Variants in CIROZ observed in about 807,000 individuals in gnomAD.
CIROZ encodes the protein ciliated left-right organizer ZP-N domains-containing protein.
At chr1:10,976,028 G>T in the CIROZ span, 1 of 696,900 alleles carries the variant, frequency 1.4e-6, no homozygotes, top group Non-Finnish European at 2.4e-6. Flanking sequence ...TCCACGCTTT[G>T]GTGAAGGCTT....
At chr1:10,949,662 G>C in the CIROZ span, 6 of 1,607,308 alleles carry the variant, frequency 3.7e-6, no homozygotes, top group Non-Finnish European at 4.2e-6. Flanking sequence ...AGGAGGTCCC[G>C]AGAAAGCCAT....
the CIROZ span, chr1:10,958,673 T>C: frequency 6.2e-7 from 1 of 1,611,760 alleles, no homozygotes; most frequent in African/African-American, 1.3e-5. Flanking sequence ...AGCAGAAACT[T>C]CCAGAGAGTT....
At chr1:10,957,481 A>T in the CIROZ span, 1 of 1,356,130 alleles carries the variant, frequency 7.4e-7, no homozygotes, top group Non-Finnish European at 9.8e-7. Context: ...CAATTTTCGA[A>T]GGCGCCTGCC....
chr1:10,960,499 T>C, the CIROZ span, among the ~76,000 whole-genome samples: 1 of 152,204 alleles, frequency 6.6e-6, no homozygotes, highest in Non-Finnish European at 1.5e-5. This position sits in a 1 kb window ranked among gnomAD's most constrained non-coding sequence, Gnocchi z 4.6. Context: ...AGGCTATATT[T>C]AGGGCCCGTG....
At chr1:10,956,943 G>T in the CIROZ span, 1 of 1,252,478 alleles carries the variant, frequency 8.0e-7, no homozygotes, top group South Asian at 1.4e-5. Flanking sequence ...AGGGGAATAA[G>T]GTGCCCAGAG....
the CIROZ span, among the ~76,000 whole-genome samples, chr1:10,959,553 C>G: frequency 2.4e-4 from 36 of 152,328 alleles, 1 homozygote; most frequent in African/African-American, 7.9e-4. The surrounding 1 kb of genome is among the most constrained non-coding windows in gnomAD (Gnocchi z 4.3). Flanking sequence ...TGGCACCGGA[C>G]AGAGTCACAG....
the CIROZ span, chr1:10,949,817 TCCAGAGAGAAGACAGAGGTCAGCC>T: frequency 1.3e-6 from 2 of 1,544,364 alleles, no homozygotes; most frequent in Non-Finnish European, 1.8e-6. Context: ...TCCTGAACCT[TCCAGAGAGAAGACAGAGGTCAGCC>T]TTCCTCCTAA....
the CIROZ span, among the ~76,000 whole-genome samples, chr1:10,973,397 T>A: frequency 2.0e-5 from 3 of 151,896 alleles, no homozygotes; most frequent in Non-Finnish European, 4.4e-5. Flanking sequence ...AAAATAAAAA[T>A]TTTAAAAAGA....
the CIROZ span, among the ~76,000 whole-genome samples, chr1:10,956,723 C>T: frequency 6.6e-6 from 1 of 151,992 alleles, no homozygotes; most frequent in Non-Finnish European, 1.5e-5. Context: ...GTAATCCACC[C>T]GCCGCGGCCT....
chr1:10,970,220 A>G, the CIROZ span: 2 of 870,618 alleles, frequency 2.3e-6, no homozygotes, highest in South Asian at 1.8e-5. Flanking sequence ...TGGAATAGTC[A>G]GGAAAGGGCA....
At chr1:10,971,239 C>A in the CIROZ span, among the ~76,000 whole-genome samples, 1 of 150,330 alleles carries the variant, frequency 6.7e-6, no homozygotes, top group Non-Finnish European at 1.5e-5. Context: ...GAGAGCACAG[C>A]CTGTGCCCAG....
At chr1:10,954,177 T>C in the CIROZ span, 1 of 1,596,026 alleles carries the variant, frequency 6.3e-7, no homozygotes, top group African/African-American at 1.3e-5. Flanking sequence ...GCACATTGGC[T>C]GGGCGCAGTG....
At chr1:10,961,230 GT>G in the CIROZ span, among the ~76,000 whole-genome samples, 2 of 152,202 alleles carry the variant, frequency 1.3e-5, no homozygotes, top group Non-Finnish European at 2.9e-5. Context: ...AAAGGGAGCA[GT>G]AACCAGCCCC....
the CIROZ span, among the ~76,000 whole-genome samples, chr1:10,973,956 A>ACCCCC: frequency 3.0e-4 from 40 of 134,326 alleles, no homozygotes; most frequent in African/African-American, 1.0e-3. Context: ...CCCAGGAAGG[A>ACCCCC]CCCCCCCCAC....
chr1:10,964,318 C>A, the CIROZ span: 1 of 1,553,068 alleles, frequency 6.4e-7, no homozygotes. Flanking sequence ...GAGGAAAATA[C>A]AGTTAATAGC....
At chr1:10,956,889 T>C in the CIROZ span, 9 of 745,068 alleles carry the variant, frequency 1.2e-5, no homozygotes, top group African/African-American at 1.8e-5. Context: ...CTGAAACGCA[T>C]AGCCAAGGTT....
the CIROZ span, among the ~76,000 whole-genome samples, chr1:10,965,118 G>A: frequency 6.6e-6 from 1 of 152,076 alleles, no homozygotes. Context: ...GCCCCTCCCA[G>A]GCTGCCCTCA....
chr1:10,968,031 C>G, the CIROZ span, among the ~76,000 whole-genome samples: 1 of 151,872 alleles, frequency 6.6e-6, no homozygotes, highest in South Asian at 2.1e-4. Flanking sequence ...GGTGGGGGGG[C>G]ACCTGTAGTC....
At chr1:10,951,877 C>T in the CIROZ span, among the ~76,000 whole-genome samples, 2 of 151,522 alleles carry the variant, frequency 1.3e-5, no homozygotes, top group African/African-American at 2.4e-5. Flanking sequence ...GTTCTAATTA[C>T]TTTTGGGGTC....
Sources: gnomAD v4.1 joint callset for allele counts (sites outside exome capture counted in the v4.1 genomes callset) on GRCh38, gnomAD v4.1.1 for gene constraint, Gnocchi (gnomAD v3.1) non-coding constraint, MANE v1.5 for transcripts, NCBI Gene and HGNC (gene_info 2026-07-23, HGNC 2026-07-21) for gene names.